SH2B2: variants seen among roughly 807,000 people sequenced by gnomAD.
SH2B2 encodes SH2B adapter protein 2.
Under a neutral mutation model 35.7 loss-of-function variants are expected in SH2B2, and 37 were observed. That is an observed-to-expected ratio of 1.04 (90% CI 0.80 to 1.36). The LOEUF (loss-of-function observed/expected upper bound fraction) is 1.36, where lower values mean the gene tolerates loss of function less well. Ranked by LOEUF, SH2B2 falls within the 40% of genes most tolerant of loss-of-function variation. SH2B2 has a pLI of 0.00. For synonymous variants in SH2B2, 383 were observed against 376.4 expected (o/e 1.02, Z -0.20); for missense variants, 852 against 817.7 (o/e 1.04, Z -0.51).
At chr7:102,295,517 C>A (rs1210570330) in intron 1 of SH2B2, among the ~76,000 whole-genome samples, 2 of 152,140 alleles carry the variant, frequency 1.3e-5, no homozygotes, top group Non-Finnish European at 2.9e-5. Context: ...GGTGTGTTCC[C>A]GTCTCCACCC....
chr7:102,314,757 G>T, intron 6 of SH2B2, 75 bp downstream of exon 6: 1 of 398,652 alleles, frequency 2.5e-6, no homozygotes, highest in Admixed American at 4.4e-5. Context: ...CCACCCATGG[G>T]CTCCCTAAAC....
chr7:102,317,564 G>A (rs940618597), intron 7 of SH2B2, among the ~76,000 whole-genome samples, 169 bp downstream of exon 7: 8 of 152,238 alleles, frequency 5.3e-5, no homozygotes, highest in African/African-American at 1.4e-4. Context: ...AGCCACCTGC[G>A]TCCCTCCTAC....
At chr7:102,302,251 G>T (rs943800252) in intron 2 of SH2B2, among the ~76,000 whole-genome samples, 2 of 152,220 alleles carry the variant, frequency 1.3e-5, no homozygotes. Context: ...CAGAGCCGAG[G>T]CCTGCAGGGA....
chr7:102,286,844 C>G (rs1364857689), upstream of SH2B2: 1 of 6,860 alleles, frequency 1.5e-4, no homozygotes, highest in Non-Finnish European at 2.8e-4. Flanking sequence ...GGCCGGGAGG[C>G]GCGCGCCTCG....
At position 102,297,422 on chromosome 7, in the gene SH2B2, C is replaced by G. The variant is rs901877173; in HGVS notation, c.-29-3100C>G. ...ACACACACACACACACACACACACA[C>G]ACACACACGCAGTATACAGAGGTTC... On this transcript the variant is annotated intron_variant, in intron 1 of 8. Coordinates refer to ENST00000444095, the MANE Select transcript of SH2B2 (RefSeq NM_001359228.2). This position sits in a 1 kb window ranked among gnomAD's most constrained non-coding sequence, Gnocchi z 4.3. Among the ~76,000 whole-genome samples, 339 of 151,998 alleles carry G rather than the reference C, an allele frequency of 2.2e-3. 4 individuals carry two copies. The South Asian group carries it at 0.031, about 14-fold the overall frequency.
rs531967499 is a variant in SH2B2 at position 102,298,463 on chromosome 7, G to T, written c.-29-2059G>T. Among the ~76,000 whole-genome samples, 4 of 152,244 alleles carry T rather than the reference G, an allele frequency of 2.6e-5. No individual in the cohort carries two copies. The East Asian group carries it at 7.7e-4, about 29-fold the overall frequency. ...TGTTTTTGAGACAGAGTCTTGCTCT[G>T]TTGCCCAGGCTGAAGTACAGTGGTG... On this transcript the variant is annotated intron_variant, in intron 1 of 8. Coordinates refer to ENST00000444095, the MANE Select transcript of SH2B2 (RefSeq NM_001359228.2).
chr7:102,314,370 C>G lies in SH2B2; in HGVS notation c.958C>G (p.Arg320Gly). The change falls in exon 5 of 9, where the codon CGA (arginine) becomes GGA (glycine). Residue 320 changes from arginine (R) to glycine (G), a missense_variant. Arg to Gly is a moderately radical substitution (Grantham distance 125, BLOSUM62 -2). Transcript: ENST00000444095. ...GGAAGACACCGAGCTCTCCTGTACC[C>G]GAGGAGGCTGTCTGGCCAGCCGCGT... ...SEEDTELSCT[R>G]GGCLASRVAS... 2.5e-6 allele frequency: 1 copy of G among 398,696 alleles called. No individual in the cohort carries two copies. Among genetic ancestry groups the G allele is most frequent in the Non-Finnish European group, 4.4e-6 (1 of 226,150 alleles). The allele number at this position is 398,696 out of a possible 1,614,324, so 24.7% of individuals were successfully genotyped here. A position where few individuals can be genotyped will look rare whatever the true frequency, so the allele number is the denominator to read the frequency against.
At chr7:102,291,250 C>T (rs567881706) in intron 1 of SH2B2, among the ~76,000 whole-genome samples, 33 of 152,250 alleles carry the variant, frequency 2.2e-4, no homozygotes, top group Middle Eastern at 3.4e-3. Context: ...CTGCAAAAGC[C>T]GGGGGGCTCA....
At chr7:102,302,508 G>A (rs757779658) in intron 2 of SH2B2, among the ~76,000 whole-genome samples, 6 of 152,240 alleles carry the variant, frequency 3.9e-5, no homozygotes, top group East Asian at 1.9e-4. Flanking sequence ...GTAGTGTCAC[G>A]TCTTCTCCAA....
chr7:102,292,636 T>C (rs1792716051), intron 1 of SH2B2, among the ~76,000 whole-genome samples: 1 of 64,364 alleles, frequency 1.6e-5, no homozygotes. Context: ...AGTTCAAGGC[T>C]GCAGTGAGCT....
At chr7:102,313,282 CAA>C (rs1362073584) in intron 4 of SH2B2, among the ~76,000 whole-genome samples, 7 of 114,758 alleles carry the variant, frequency 6.1e-5, no homozygotes, top group Admixed American at 1.8e-4. Flanking sequence ...GCAAAAAATA[CAA>C]AAAAAAAAAA....
At chr7:102,313,768 C>G (rs1009402514) in intron 4 of SH2B2, among the ~76,000 whole-genome samples, 1 of 150,912 alleles carries the variant, frequency 6.6e-6, no homozygotes, top group South Asian at 2.1e-4. Flanking sequence ...AAAAATTAGC[C>G]GGGCATGGTG....
rs1382620991 is a variant in SH2B2 at position 102,302,571 on chromosome 7, C to G, written c.729+1292C>G. 1.3e-5 allele frequency among the ~76,000 whole-genome samples: 2 copies of G among 152,252 alleles called. 1 individual carries two copies. Among genetic ancestry groups the G allele is most frequent in the South Asian group, 4.1e-4 (2 of 4,834 alleles). On this transcript the variant is annotated intron_variant, in intron 2 of 8. Coordinates refer to ENST00000444095, the MANE Select transcript of SH2B2 (RefSeq NM_001359228.2). ...AATAGCTGTAACAATAGTGCCCACC[C>G]TCTGAGAGCCCACAGTGTGTCCAGA... is the stretch of plus-strand genomic sequence containing the variant.
chr7:102,316,536 G>A (rs563520188), intron 6 of SH2B2, among the ~76,000 whole-genome samples: 10 of 151,012 alleles, frequency 6.6e-5, no homozygotes, highest in East Asian at 2.0e-4. Flanking sequence ...GCAGTGAGTC[G>A]AGATCACGCC....
chr7:102,320,413 A>T lies in SH2B2; in HGVS notation c.1478A>T (p.His493Leu). Residue 493 changes from histidine to leucine, a missense_variant, in exon 8 of 9, where the codon CAC (histidine) becomes CTC (leucine). Physicochemically the swap from His to Leu is moderately conservative, Grantham distance 99. Transcript: ENST00000444095. The stretch of plus-strand genomic sequence containing the variant: ...CAGTCTGTGCTTGACATGCTCCGCC[A>T]CTTCCACACACACCCCATCCCACTG... ...WFQSVLDMLR[H>L]FHTHPIPLES... The T allele has an allele frequency of 6.2e-7, 1 of 1,613,640 alleles. No homozygotes were observed. Among genetic ancestry groups the T allele is most frequent in the Non-Finnish European group, 8.5e-7 (1 of 1,179,852 alleles).
chr7:102,302,289 G>C (rs1247724932), intron 2 of SH2B2, among the ~76,000 whole-genome samples: 1 of 152,244 alleles, frequency 6.6e-6, no homozygotes, highest in African/African-American at 2.4e-5. Context: ...GAGCACATTC[G>C]CAGAGGGCTC....
chr7:102,305,021 G>T (rs1377180166), intron 2 of SH2B2, among the ~76,000 whole-genome samples: 1 of 152,210 alleles, frequency 6.6e-6, no homozygotes, highest in Admixed American at 6.5e-5. Context: ...GAGGCAGAGC[G>T]AGTGGGGCCA....
intron 2 of SH2B2, among the ~76,000 whole-genome samples, chr7:102,305,159 G>A (rs1227443359): frequency 6.6e-6 from 1 of 152,230 alleles, no homozygotes; most frequent in Non-Finnish European, 1.5e-5. Flanking sequence ...TGAGTCGGGG[G>A]CTCCAGGCCC....
intron 7 of SH2B2, 152 bp downstream of exon 7, chr7:102,317,547 C>T (rs114900444): frequency 3.1e-6 from 2 of 637,924 alleles, no homozygotes; most frequent in South Asian, 2.5e-5. Context: ...CCCAGCCATG[C>T]TCCGTGAGCC....
Sources: gnomAD v4.1 joint callset for allele counts (sites outside exome capture counted in the v4.1 genomes callset) on GRCh38, gnomAD v4.1.1 for gene constraint, Gnocchi (gnomAD v3.1) non-coding constraint, MANE v1.5 for transcripts, NCBI Gene and HGNC (gene_info 2026-07-23, HGNC 2026-07-21) for gene names.